The following RSAD1 variants were observed in gnomAD, a reference collection of about 807,000 sequenced individuals.
The protein encoded by RSAD1 is radical S-adenosyl methionine domain-containing protein 1, mitochondrial.
In RSAD1, 34 loss-of-function variants were observed where a neutral mutation model predicts 46.2. That is an observed-to-expected ratio of 0.74 (90% CI 0.56 to 0.98). RSAD1 has a LOEUF of 0.98. Ranked by LOEUF, RSAD1 falls within the 50% of genes least tolerant of loss-of-function variation. The probability of loss-of-function intolerance (pLI) is 0.00; values close to 1 mark genes in which losing one functional copy is unlikely to be tolerated. For synonymous variants in RSAD1, 260 were observed against 253.5 expected, an observed-to-expected ratio of 1.03 and a Z score of -0.24; for missense variants, 635 against 592.3, an observed-to-expected ratio of 1.07 and a Z score of -0.75.
Position 50,482,385 on chromosome 17 carries a change from T to C in RSAD1, c.769T>C (p.Tyr257His). 1 of 1,605,580 alleles carries C rather than the reference T, an allele frequency of 6.2e-7. No homozygotes were observed. Residue 257 changes from tyrosine (Y) to histidine (H), a missense_variant, in exon 4 of 9, where the codon TAC becomes CAC. Transcript: ENST00000258955. ...TGACCCGGAGCTCGCAGCTGAGATGTACCAGAGGGGCCGGGCTGTCCTTCG... is the reference window on the plus strand; with the variant it reads ...TGACCCGGAGCTCGCAGCTGAGATGCACCAGAGGGGCCGGGCTGTCCTTCG... ...APDPELAAEM[Y>H]QRGRAVLREA... is the part of the protein sequence containing the mutation.
chr17:50,483,211 A>AAAGAAAGAC lies in RSAD1; in HGVS notation c.905-123_905-122insGACAAGAAA, dbSNP rs370815589. The AAAGAAAGAC allele has an allele frequency of 1.8e-4, 174 of 964,574 alleles. 1 individual carries two copies. In the African/African-American group the frequency reaches 3.3e-3, roughly 18 times the overall value. 59.8% of individuals were successfully genotyped at this position (964,574 alleles called of 1,614,324 possible). A position where few individuals can be genotyped will look rare whatever the true frequency, so the allele number is the denominator to read the frequency against. On this transcript the variant is annotated intron_variant, in intron 5 of 8. Coordinates refer to ENST00000258955, the MANE Select transcript of RSAD1 (RefSeq NM_018346.3). ...AAAAAAAGAAAGAAAGAAAGAAAGAAAAGAAAAGAAAAATAATTTATATTT... is the reference window on the plus strand; with the variant it reads ...AAAAAAAGAAAGAAAGAAAGAAAGAAAAGAAAGACAAGAAAAGAAAAATAATTTATATTT...
rs781348708 is a variant in RSAD1 at position 50,482,359 on chromosome 17, C to T, written c.743C>T (p.Pro248Leu). ...GTGCAGCGGGGTGCCCTTCCAGCCC[C>T]TGACCCGGAGCTCGCAGCTGAGATG... ...AQVQRGALPA[P>L]DPELAAEMYQ... Residue 248 changes from proline (P) to leucine (L), a missense_variant, in exon 4 of 9, where the codon CCT (proline) becomes CTT (leucine). Pro to Leu is a moderately conservative substitution (Grantham distance 98). Coordinates refer to ENST00000258955, the MANE Select transcript of RSAD1 (RefSeq NM_018346.3). 2 of 1,611,636 alleles carry T rather than the reference C, an allele frequency of 1.2e-6. No individual in the cohort carries two copies. Among genetic ancestry groups the T allele is most frequent in the African/African-American group, 1.3e-5 (1 of 74,906 alleles).
Position 50,482,436 on chromosome 17 carries a change from G to A in RSAD1, c.820G>A (p.Val274Ile), listed in dbSNP as rs757504244. 6.3e-7 allele frequency: 1 copy of A among 1,588,942 alleles called. No homozygotes were observed. The highest frequency in any genetic ancestry group is 8.5e-7 in the Non-Finnish European group (1 of 1,170,226). Reference sequence around the variant, plus strand: ...GGAGGCTGGCTTCCACCAGTATGAGGTCTCCAACTTTGCCCGGAATGTAAG... The same window carrying A: ...GGAGGCTGGCTTCCACCAGTATGAGATCTCCAACTTTGCCCGGAATGTAAG... The part of the protein sequence containing the change: ...LREAGFHQYE[V>I]SNFARNGALS... Residue 274 changes from valine (V) to isoleucine (I), a missense_variant, in exon 4 of 9, where the codon GTC becomes ATC. Coordinates refer to ENST00000258955, the MANE Select transcript of RSAD1 (RefSeq NM_018346.3).
intron 7 of RSAD1, chr17:50,484,114 C>T: frequency 2.3e-6 from 1 of 437,018 alleles, no homozygotes; most frequent in Non-Finnish European, 4.1e-6. Flanking sequence ...TCATAGGAAG[C>T]ACAGTAGATA....
In RSAD1 at chr17:50,479,776, G is replaced by A; in HGVS notation, c.269+14G>A. The stretch of plus-strand genomic sequence containing the variant: ...CGGGGTGCAACGGTGGGTAGTGGGG[G>A]CTGTAGGCAGCGTTTTGGGAAATAT... On this transcript the variant is annotated intron_variant, in intron 2 of 8. Transcript: ENST00000258955. The A allele has an allele frequency of 1.3e-6, 2 of 1,597,550 alleles. No homozygotes were observed. Among genetic ancestry groups the A allele is most frequent in the Non-Finnish European group, 1.7e-6 (2 of 1,170,578 alleles).
intron 1 of RSAD1, 50 bp from the exon 2 acceptor site, chr17:50,479,579 G>A (rs1480190598): frequency 6.2e-7 from 1 of 1,610,114 alleles, no homozygotes; most frequent in Admixed American, 1.7e-5. Flanking sequence ...ACTGAACCCT[G>A]GAAGTGGCCA....
At chr17:50,482,480 G>GAGGTGGAGGATGGGC in intron 4 of RSAD1, 24 bp downstream of exon 4, 1 of 1,599,800 alleles carries the variant, frequency 6.3e-7, no homozygotes, top group Non-Finnish European at 8.5e-7. Flanking sequence ...CTGATGGCTG[G>GAGGTGGAGGATGGGC]AGGTGGAGGA....
At position 50,479,707 on chromosome 17, in the gene RSAD1, C is replaced by G. The variant is rs2033356622; in HGVS notation, c.214C>G (p.Gln72Glu). ...TCGCCGCCTGGAGGAGGCTGCCATG[C>G]AGAAGTGTCTGGTGACCGAAGCTCA... Reference protein sequence around the residue: ...IPRRLEEAAMQKCLVTEAQTL... With the variant: ...IPRRLEEAAMEKCLVTEAQTL... Residue 72 changes from glutamine (Q) to glutamate (E), a missense_variant, in exon 2 of 9, where the codon CAG (glutamine) becomes GAG (glutamate). By Grantham distance (29) the Gln-to-Glu change is conservative. Coordinates refer to ENST00000258955, the MANE Select transcript of RSAD1 (RefSeq NM_018346.3). 6.2e-7 allele frequency: 1 copy of G among 1,613,602 alleles called. No individual in the cohort carries two copies. Among genetic ancestry groups the G allele is most frequent in the Non-Finnish European group, 8.5e-7 (1 of 1,179,818 alleles).
chr17:50,479,404 T>G, intron 1 of RSAD1: 1 of 550,518 alleles, frequency 1.8e-6, no homozygotes, highest in South Asian at 2.4e-5. Flanking sequence ...CGTCTGCTGG[T>G]TGGAAGAGGC....
chr17:50,483,678 TAA>T, intron 6 of RSAD1, 26 bp from the exon 7 acceptor site: 1 of 1,613,410 alleles, frequency 6.2e-7, no homozygotes, highest in South Asian at 1.1e-5. Context: ...GCCTCCTCTC[TAA>T]GACTCCTTGG....
chr17:50,479,725 G>A lies in RSAD1; in HGVS notation c.232G>A (p.Glu78Lys). The A allele has an allele frequency of 2.5e-6, 4 of 1,612,944 alleles. No homozygotes were observed. The highest frequency in any genetic ancestry group is 2.2e-5 in the South Asian group (2 of 90,898). Residue 78 changes from glutamate to lysine, a missense_variant, in exon 2 of 9, where the codon GAA (glutamate) becomes AAA (lysine). Coordinates refer to ENST00000258955, the MANE Select transcript of RSAD1 (RefSeq NM_018346.3). The part of the protein sequence containing the change: ...EAAMQKCLVT[E>K]AQTLLRLSGV... ...TGCCATGCAGAAGTGTCTGGTGACC[G>A]AAGCTCAGACGCTGCTGCGGCTCAG...
chr17:50,479,560 G>T (rs562710297), intron 1 of RSAD1, 69 bp from the exon 2 acceptor site: 3 of 1,599,454 alleles, frequency 1.9e-6, no homozygotes, highest in East Asian at 4.5e-5. Flanking sequence ...GGGGTTGGGG[G>T]TGTGTGCGAC....
intron 3 of RSAD1, 54 bp downstream of exon 3, chr17:50,480,138 C>T (rs768366280): frequency 5.6e-5 from 88 of 1,560,876 alleles, no homozygotes; most frequent in Admixed American, 1.0e-4. Flanking sequence ...AGTGCCATCT[C>T]CTCTTTGGTC....
At chr17:50,479,313 G>A in intron 1 of RSAD1, 1 of 494,490 alleles carries the variant, frequency 2.0e-6, no homozygotes. Flanking sequence ...TTCTGACTCG[G>A]TAGCTGGGAA....
At chr17:50,479,484 C>T in intron 1 of RSAD1, 145 bp from the exon 2 acceptor site, 3 of 956,992 alleles carry the variant, frequency 3.1e-6, no homozygotes, top group Non-Finnish European at 4.5e-6. Flanking sequence ...TGCGACCTGC[C>T]TTGGGGAGTT....
chr17:50,480,078 C>T lies in RSAD1; in HGVS notation c.468C>T (p.Gly156=). ...GAAGVNRLSI[G]LQSLDDTELR... Reference sequence around the variant, plus strand: ...CAGGGGTTAACAGGTTGTCTATAGGCCTCCAGGTAACCCATGGCACTCACC... The same window carrying T: ...CAGGGGTTAACAGGTTGTCTATAGGTCTCCAGGTAACCCATGGCACTCACC... The change falls in exon 3 of 9, where the codon GGC becomes GGT. Residue 156 remains glycine, a synonymous_variant. Coordinates refer to ENST00000258955, the MANE Select transcript of RSAD1 (RefSeq NM_018346.3). The T allele has an allele frequency of 6.2e-7, 1 of 1,613,954 alleles. No individual in the cohort carries two copies. The highest frequency in any genetic ancestry group is 8.5e-7 in the Non-Finnish European group (1 of 1,180,018).
chr17:50,479,649 C>G lies in RSAD1; in HGVS notation c.156C>G (p.Arg52=). ...LYVHWPYCEK[R]CSYCNFNKYI... is the part of the protein sequence containing the mutation. ...CCCAGTGGCCTTACTGCGAGAAGCG[C>G]TGCAGTTACTGCAACTTCAACAAGT... The change falls in exon 2 of 9, where the codon CGC becomes CGG. Residue 52 remains arginine, a synonymous_variant. Coordinates refer to ENST00000258955, the MANE Select transcript of RSAD1 (RefSeq NM_018346.3). 1 of 1,613,852 alleles carries G rather than the reference C, an allele frequency of 6.2e-7. No individual in the cohort carries two copies.
At chr17:50,479,082 G>A (rs541809437) in intron 1 of RSAD1, 63 bp downstream of exon 1, 6 of 1,270,930 alleles carry the variant, frequency 4.7e-6, no homozygotes, top group Middle Eastern at 2.4e-4. Flanking sequence ...GACCGTGGCC[G>A]TCCAAAACCC....
intron 3 of RSAD1, among the ~76,000 whole-genome samples, 193 bp from the exon 4 acceptor site, chr17:50,481,898 T>C (rs2033383429): frequency 6.6e-6 from 1 of 152,188 alleles, no homozygotes; most frequent in African/African-American, 2.4e-5. Flanking sequence ...AATTAGACAC[T>C]ACATAAAGGT....
Sources: allele counts gnomAD v4.1 joint callset (sites outside exome capture counted in the v4.1 genomes callset), GRCh38; gene constraint gnomAD v4.1.1; transcripts MANE v1.5; gene names NCBI Gene and HGNC (gene_info 2026-07-23, HGNC 2026-07-21).